The following KMT2C variants were observed in gnomAD, a reference collection of about 807,000 sequenced individuals.
KMT2C encodes histone-lysine N-methyltransferase 2C.
Under a neutral mutation model 507.9 loss-of-function variants are expected in KMT2C, and 88 were observed. The ratio of observed to expected loss-of-function variants is 0.17; its 90% CI spans 0.15 to 0.21. The LOEUF (loss-of-function observed/expected upper bound fraction) is 0.21, where lower values mean the gene tolerates loss of function less well. Ranked by LOEUF, KMT2C falls within the 10% of genes least tolerant of loss-of-function variation. The probability of loss-of-function intolerance (pLI) is 1.00; values close to 1 mark genes in which losing one functional copy is unlikely to be tolerated. For missense variants in KMT2C, 4,954 were observed against 5,957.8 expected, an observed-to-expected ratio of 0.83 and a Z score of 5.55; for synonymous variants, 2,049 against 2,080.8, an observed-to-expected ratio of 0.98 and a Z score of 0.42.
At chr7:152,429,187 G>T (rs545006856) in intron 1 of KMT2C, among the ~76,000 whole-genome samples, 1 of 152,218 alleles carries the variant, frequency 6.6e-6, no homozygotes. Flanking sequence ...TTCCAGGGTT[G>T]ACTGTTCATC....
chr7:152,370,198 A>C (rs1030522539), intron 1 of KMT2C, among the ~76,000 whole-genome samples: 2 of 152,122 alleles, frequency 1.3e-5, no homozygotes, highest in Admixed American at 1.3e-4. Context: ...CGTCTCAAAA[A>C]AAAAAAAAGA....
chr7:152,408,248 A>G (rs1308349743), intron 1 of KMT2C, among the ~76,000 whole-genome samples: 1 of 152,156 alleles, frequency 6.6e-6, no homozygotes, highest in Admixed American at 6.6e-5. Flanking sequence ...AAATCGTGCC[A>G]CTGCACTCCA....
At chr7:152,179,773 C>G (rs2093368647) in intron 37 of KMT2C, 61 bp downstream of exon 37, 1 of 1,509,468 alleles carries the variant, frequency 6.6e-7, no homozygotes, top group South Asian at 1.1e-5. Context: ...AGCCACCACA[C>G]CCAGCTCTGT....
At chr7:152,367,323 ACCTTCGCAGAAGC>A (rs1267735382) in intron 1 of KMT2C, 1 of 931,800 alleles carries the variant, frequency 1.1e-6, no homozygotes, top group East Asian at 2.6e-5. Flanking sequence ...CCTGACCTGC[ACCTTCGCAGAAGC>A]CCTGAAGCAG....
chr7:152,317,451 T>C (rs1330618010), intron 3 of KMT2C, among the ~76,000 whole-genome samples: 1 of 152,014 alleles, frequency 6.6e-6, no homozygotes, highest in Non-Finnish European at 1.5e-5. Flanking sequence ...CTGAAACCCA[T>C]CAGAGGGCAG....
intron 1 of KMT2C, among the ~76,000 whole-genome samples, chr7:152,412,305 G>C (rs915253671): frequency 1.1e-4 from 16 of 150,732 alleles, no homozygotes; most frequent in African/African-American, 3.4e-4. Context: ...GGAGGCTGAG[G>C]CAGGAGAATG....
In KMT2C at chr7:152,187,376, C is replaced by T. The variant is rs1196079632; in HGVS notation, c.4894G>A (p.Ala1632Thr). Residue 1632 changes from alanine (A) to threonine (T), a missense_variant, in exon 33 of 59, where the codon GCC becomes ACC. This residue lies in a region of KMT2C where 195 missense variants were observed against 183.7 expected (regional missense o/e 1.06). Coordinates refer to ENST00000262189, the MANE Select transcript of KMT2C (RefSeq NM_170606.3). ...VEGENDTMSN[A>T]QRSTLKWEKE... ...TCCCACTTAAGCGTGCTTCTCTGGG[C>T]ATTCGACATTGTGTCATTTTCTCCT... 6.2e-7 allele frequency: 1 copy of T among 1,614,062 alleles called. No individual in the cohort carries two copies. Among genetic ancestry groups the T allele is most frequent in the Non-Finnish European group, 8.5e-7 (1 of 1,179,958 alleles).
chr7:152,272,005 T>TC (rs762661544), intron 7 of KMT2C, among the ~76,000 whole-genome samples: 16 of 150,758 alleles, frequency 1.1e-4, no homozygotes, highest in East Asian at 7.8e-4. Flanking sequence ...TTGGGGGGGG[T>TC]CTCTCTATTA....
At chr7:152,374,365 T>C (rs1377538944) in intron 1 of KMT2C, among the ~76,000 whole-genome samples, 1 of 151,394 alleles carries the variant, frequency 6.6e-6, no homozygotes, top group African/African-American at 2.4e-5. Context: ...GAAAAGAAAT[T>C]TTAAAAATAA....
At chr7:152,426,934 T>C (rs140857126) in intron 1 of KMT2C, among the ~76,000 whole-genome samples, 21 of 152,324 alleles carry the variant, frequency 1.4e-4, no homozygotes, top group African/African-American at 5.1e-4. Flanking sequence ...GATTTACCAT[T>C]TCTGAAGTAT....
chr7:152,310,523 C>T (rs2096661906), intron 5 of KMT2C, among the ~76,000 whole-genome samples: 1 of 152,140 alleles, frequency 6.6e-6, no homozygotes, highest in African/African-American at 2.4e-5. Flanking sequence ...TGAGATCGCA[C>T]CACTGCACTC....
chr7:152,351,753 T>C (rs2129226528), intron 2 of KMT2C, among the ~76,000 whole-genome samples: 1 of 152,356 alleles, frequency 6.6e-6, no homozygotes, highest in East Asian at 1.9e-4. Flanking sequence ...GAAGATTTCA[T>C]GGGCACTTAT....
intron 35 of KMT2C, 147 bp downstream of exon 35, chr7:152,182,827 A>C: frequency 1.5e-6 from 1 of 658,472 alleles, no homozygotes; most frequent in Non-Finnish European, 2.5e-6. Context: ...AATCAATTTA[A>C]ATATATTTTA....
intron 2 of KMT2C, among the ~76,000 whole-genome samples, chr7:152,337,771 A>T (rs1214472108): frequency 2.0e-5 from 3 of 151,974 alleles, no homozygotes. Flanking sequence ...AAGTGTAGTG[A>T]TGTAGCTGCT....
intron 2 of KMT2C, among the ~76,000 whole-genome samples, 188 bp from the exon 3 acceptor site, chr7:152,330,927 G>C (rs1298692188): frequency 6.6e-6 from 1 of 152,162 alleles, no homozygotes; most frequent in Non-Finnish European, 1.5e-5. Flanking sequence ...ACCGCAAAAT[G>C]ATTATCAAAA....
chr7:152,412,021 G>A (rs1180219353), intron 1 of KMT2C, among the ~76,000 whole-genome samples: 1 of 152,272 alleles, frequency 6.6e-6, no homozygotes, highest in East Asian at 1.9e-4. Context: ...TATCAAGGAT[G>A]TCCTACTTGG....
At chr7:152,394,788 G>A (rs1167764598) in intron 1 of KMT2C, among the ~76,000 whole-genome samples, 3 of 152,270 alleles carry the variant, frequency 2.0e-5, no homozygotes, top group African/African-American at 7.2e-5. Flanking sequence ...TACATTTTAG[G>A]TGGTAAATGA....
intron 1 of KMT2C, among the ~76,000 whole-genome samples, chr7:152,427,920 G>A (rs1050441796): frequency 6.6e-6 from 1 of 151,988 alleles, no homozygotes; most frequent in Non-Finnish European, 1.5e-5. Flanking sequence ...CTCCCCATTC[G>A]CACTACCAAC....
Position 152,248,364 on chromosome 7 carries a change from T to G in KMT2C, c.2070A>C (p.Glu690Asp), listed in dbSNP as rs757323396. ...AGGTTTCTAGTGGAAGAGTGACAGA[T>G]TCCATGACTAATTTTGGAGGCCTTG... Reference protein sequence around the residue: ...EESRPPKLVMESVTLPLETLV... With the variant: ...EESRPPKLVMDSVTLPLETLV... The change falls in exon 14 of 59, where the codon GAA (glutamate) becomes GAC (aspartate). Residue 690 changes from glutamate to aspartate, a missense_variant. Around this residue, in one of 29 missense-constraint regions of KMT2C, gnomAD observed 376 missense variants for 352.4 expected, o/e 1.07. Transcript: ENST00000262189. 5.6e-6 allele frequency: 9 copies of G among 1,614,014 alleles called. No homozygotes were observed. In the African/African-American group the frequency reaches 1.1e-4, roughly 19 times the overall value.
Sources: gnomAD v4.1 joint callset for allele counts (sites outside exome capture counted in the v4.1 genomes callset) on GRCh38, gnomAD v4.1.1 for gene constraint, gnomAD v4.1.1 regional missense constraint, MANE v1.5 for transcripts, NCBI Gene and HGNC (gene_info 2026-07-23, HGNC 2026-07-21) for gene names.